PPP1R14C: variants seen among roughly 807,000 people sequenced by gnomAD.
PPP1R14C encodes protein phosphatase 1 regulatory inhibitor subunit 14C.
PPP1R14C carries 16 observed loss-of-function variants against 20.4 expected under a neutral mutation model. That is an observed-to-expected ratio of 0.78 (90% CI 0.53 to 1.19). The LOEUF is 1.19. PPP1R14C is among the 50% of genes most tolerant of loss of function. The pLI is 0.00. For synonymous variants in PPP1R14C, 91 were observed against 91.0 expected (o/e 1.00, Z 0.00); for missense variants, 211 against 220.1 (o/e 0.96, Z 0.26).
intron 1 of PPP1R14C, among the ~76,000 whole-genome samples, chr6:150,211,630 A>G (rs1778025571): frequency 6.6e-6 from 1 of 152,178 alleles, no homozygotes; most frequent in Non-Finnish European, 1.5e-5. Context: ...TCAAATTTAG[A>G]ATATTTCCAT....
At chr6:150,218,230 C>T (rs534814100) in intron 3 of PPP1R14C, among the ~76,000 whole-genome samples, 6 of 152,078 alleles carry the variant, frequency 3.9e-5, no homozygotes, top group Non-Finnish European at 7.4e-5. Context: ...GGTGAAACCC[C>T]GTCTCTACTA....
chr6:150,160,421 C>T (rs987082966), intron 1 of PPP1R14C, among the ~76,000 whole-genome samples: 11 of 134,980 alleles, frequency 8.1e-5, no homozygotes, highest in Non-Finnish European at 1.7e-4. Context: ...CCGACCACCA[C>T]ACCCAGCTAA....
chr6:150,235,853 G>A (rs538879665), intron 3 of PPP1R14C, among the ~76,000 whole-genome samples: 2 of 152,184 alleles, frequency 1.3e-5, no homozygotes, highest in African/African-American at 4.8e-5. Flanking sequence ...AAGGTTCGTC[G>A]TACTCAGGGG....
At chr6:150,170,035 A>T (rs1026650951) in intron 1 of PPP1R14C, among the ~76,000 whole-genome samples, 2 of 152,176 alleles carry the variant, frequency 1.3e-5, no homozygotes, top group Non-Finnish European at 2.9e-5. Context: ...ATCAGGAAGA[A>T]GTTGTATTGC....
chr6:150,235,898 G>T (rs2114927892), intron 3 of PPP1R14C, among the ~76,000 whole-genome samples: 1 of 152,266 alleles, frequency 6.6e-6, no homozygotes, highest in Admixed American at 6.5e-5. Context: ...ACTGACCTTT[G>T]CATGTCTTTC....
At chr6:150,155,526 C>A in intron 1 of PPP1R14C, among the ~76,000 whole-genome samples, 1 of 152,134 alleles carries the variant, frequency 6.6e-6, no homozygotes, top group Non-Finnish European at 1.5e-5. Context: ...GACTTGCTTC[C>A]TGGAAACTGT....
intron 1 of PPP1R14C, among the ~76,000 whole-genome samples, chr6:150,204,877 C>T (rs1440377887): frequency 1.3e-5 from 2 of 152,122 alleles, no homozygotes; most frequent in East Asian, 3.9e-4. Flanking sequence ...GCTTTCTTCC[C>T]ATGCTGTGCT....
At chr6:150,232,607 T>A (rs1019054969) in intron 3 of PPP1R14C, among the ~76,000 whole-genome samples, 1 of 152,188 alleles carries the variant, frequency 6.6e-6, no homozygotes, top group Non-Finnish European at 1.5e-5. Flanking sequence ...GTATATGGTG[T>A]AAGGTAGGGA....
At position 150,143,424 on chromosome 6, in the gene PPP1R14C, C is replaced by G; in HGVS notation, c.232C>G (p.Arg78Gly). Residue 78 changes from arginine (R) to glycine (G), a missense_variant, in exon 1 of 4, where the codon CGT becomes GGT. Physicochemically the swap from Arg to Gly is moderately radical, Grantham distance 125 (BLOSUM62 -2). Transcript: ENST00000361131. The surrounding 1 kb of genome is among the most constrained non-coding windows in gnomAD (Gnocchi z 5.6). The stretch of plus-strand genomic sequence containing the variant: ...GGGAAAAGTGACAGTGAAATACGAT[C>G]GTAAGGAGCTTCGGAAGCGGCTGGT... Reference protein sequence around the residue: ...QQGKVTVKYDRKELRKRLVLE... With the variant: ...QQGKVTVKYDGKELRKRLVLE... The G allele has an allele frequency of 6.2e-7, 1 of 1,611,962 alleles. No homozygotes were observed. Among genetic ancestry groups the G allele is most frequent in the Non-Finnish European group, 8.5e-7 (1 of 1,179,198 alleles).
intron 1 of PPP1R14C, among the ~76,000 whole-genome samples, chr6:150,171,061 C>G (rs781234021): frequency 1.3e-5 from 2 of 152,060 alleles, no homozygotes; most frequent in East Asian, 1.9e-4. Flanking sequence ...TCCATTGGAG[C>G]GGTACATTGG....
chr6:150,210,316 C>A (rs544859921), intron 1 of PPP1R14C, among the ~76,000 whole-genome samples: 2 of 152,228 alleles, frequency 1.3e-5, no homozygotes, highest in African/African-American at 4.8e-5. Context: ...AGCCTCAGAA[C>A]CTGGATCTTA....
Position 150,249,635 on chromosome 6 carries a change from C to T in PPP1R14C, c.*815C>T, listed in dbSNP as rs1778537313. On this transcript the variant is annotated 3_prime_UTR_variant, in exon 4 of 4. Transcript: ENST00000361131. ...TTCTAGAGAAATATCCACACTATCT[C>T]AGTGGTATTTTGCATTGGAAAAAGG... The T allele has an allele frequency of 2.5e-6, 1 of 398,144 alleles. No homozygotes were observed. Among genetic ancestry groups the T allele is most frequent in the South Asian group, 1.3e-4 (1 of 7,620 alleles). 24.7% of individuals were successfully genotyped at this position (398,144 alleles called of 1,614,324 possible).
intron 3 of PPP1R14C, among the ~76,000 whole-genome samples, chr6:150,228,704 C>A (rs968469263): frequency 1.3e-5 from 2 of 151,822 alleles, no homozygotes; most frequent in Non-Finnish European, 2.9e-5. Context: ...TACGAAGATG[C>A]TTTTTTTTCA....
intron 1 of PPP1R14C, among the ~76,000 whole-genome samples, chr6:150,206,336 C>T (rs765774506): frequency 1.3e-4 from 20 of 152,154 alleles, no homozygotes; most frequent in Non-Finnish European, 2.2e-4. Flanking sequence ...TTAATCCCCA[C>T]GAGAGCAAAT....
At chr6:150,219,692 G>T (rs1164763112) in intron 3 of PPP1R14C, among the ~76,000 whole-genome samples, 1 of 152,014 alleles carries the variant, frequency 6.6e-6, no homozygotes, top group Admixed American at 6.5e-5. Flanking sequence ...GTTTTTCTTT[G>T]TGTTTATGTT....
intron 1 of PPP1R14C, among the ~76,000 whole-genome samples, chr6:150,204,528 G>A (rs879770923): frequency 1.9e-4 from 29 of 152,170 alleles, no homozygotes; most frequent in Non-Finnish European, 2.5e-4. Context: ...AAGAGGAATC[G>A]GATGTGCCCA....
At chr6:150,207,496 C>T (rs187383188) in intron 1 of PPP1R14C, among the ~76,000 whole-genome samples, 36 of 152,344 alleles carry the variant, frequency 2.4e-4, no homozygotes, top group East Asian at 1.2e-3. Context: ...TTCTTCACTC[C>T]GGCATCCCAT....
intron 3 of PPP1R14C, among the ~76,000 whole-genome samples, chr6:150,237,941 AC>A (rs1245056015): frequency 1.3e-5 from 2 of 152,036 alleles, no homozygotes; most frequent in Non-Finnish European, 2.9e-5. Context: ...TGTAAGCCAA[AC>A]CTTTTTCTTC....
At chr6:150,240,066 T>TA in intron 3 of PPP1R14C, among the ~76,000 whole-genome samples, 1 of 149,464 alleles carries the variant, frequency 6.7e-6, no homozygotes, top group Non-Finnish European at 1.5e-5. Flanking sequence ...AAAAAGAAGA[T>TA]AAAAAAAAGA....
Sources: allele counts gnomAD v4.1 joint callset (sites outside exome capture counted in the v4.1 genomes callset), GRCh38; gene constraint gnomAD v4.1.1; non-coding constraint Gnocchi (gnomAD v3.1); transcripts MANE v1.5; gene names NCBI Gene and HGNC (gene_info 2026-07-23, HGNC 2026-07-21).